The following FAM13A variants were observed in gnomAD, a reference collection of about 807,000 sequenced individuals.
The protein encoded by FAM13A is family with sequence similarity 13 member A.
A neutral mutation model predicts 129.6 loss-of-function variants in FAM13A; 76 were observed. That is an observed-to-expected ratio of 0.59 (90% CI 0.49 to 0.71). The LOEUF (loss-of-function observed/expected upper bound fraction) is 0.71. FAM13A is among the 30% of genes least tolerant of loss of function. The probability of loss-of-function intolerance (pLI) is 0.00; values close to 1 mark genes in which losing one functional copy is unlikely to be tolerated. For synonymous variants in FAM13A, 443 were observed against 449.9 expected, an observed-to-expected ratio of 0.98 and a Z score of 0.20; for missense variants, 1,108 against 1,249.3, an observed-to-expected ratio of 0.89 and a Z score of 1.70.
At chr4:88,826,452 G>A (rs1733009058) in intron 7 of FAM13A, among the ~76,000 whole-genome samples, 1 of 152,032 alleles carries the variant, frequency 6.6e-6, no homozygotes, top group South Asian at 2.1e-4. Context: ...GCTAACGATT[G>A]CAAAAGAAAA....
intron 4 of FAM13A, among the ~76,000 whole-genome samples, chr4:88,949,797 T>C (rs953263796): frequency 1.3e-5 from 2 of 152,204 alleles, no homozygotes; most frequent in Non-Finnish European, 2.9e-5. Flanking sequence ...ATTTATATTA[T>C]GTATGTCAGC....
At chr4:88,731,052 T>A (rs990932612) in intron 23 of FAM13A, among the ~76,000 whole-genome samples, 1 of 152,198 alleles carries the variant, frequency 6.6e-6, no homozygotes, top group Admixed American at 6.5e-5. Context: ...GATAAGAATT[T>A]GATGGGACAG....
intron 1 of FAM13A, among the ~76,000 whole-genome samples, chr4:89,039,173 G>T (rs1486453536): frequency 6.6e-6 from 1 of 152,118 alleles, no homozygotes; most frequent in African/African-American, 2.4e-5. Flanking sequence ...GTGAAAAAAA[G>T]AAACAAATCC....
intron 6 of FAM13A, among the ~76,000 whole-genome samples, chr4:88,874,954 T>G (rs558677518): frequency 1.3e-5 from 2 of 152,048 alleles, no homozygotes; most frequent in Admixed American, 6.6e-5. Context: ...TATAGATCAA[T>G]GGAACAGAAC....
intron 19 of FAM13A, among the ~76,000 whole-genome samples, chr4:88,744,603 T>C (rs1295994882): frequency 1.3e-5 from 2 of 152,190 alleles, no homozygotes; most frequent in Non-Finnish European, 1.5e-5. Flanking sequence ...TTCTAAACAA[T>C]TGGGGTTTGG....
At chr4:88,932,314 T>C (rs1201887249) in intron 5 of FAM13A, among the ~76,000 whole-genome samples, 4 of 152,206 alleles carry the variant, frequency 2.6e-5, no homozygotes, top group African/African-American at 9.6e-5. Context: ...CAATTACTTG[T>C]GAGGTTACTG....
At chr4:89,030,134 C>A (rs1768495831) in intron 1 of FAM13A, among the ~76,000 whole-genome samples, 2 of 151,970 alleles carry the variant, frequency 1.3e-5, no homozygotes, top group Admixed American at 6.6e-5. Context: ...CATTATAGTT[C>A]TCTGATTTGA....
At chr4:88,817,030 CATA>C (rs1168515333) in intron 7 of FAM13A, among the ~76,000 whole-genome samples, 3 of 152,094 alleles carry the variant, frequency 2.0e-5, no homozygotes, top group African/African-American at 7.2e-5. Flanking sequence ...ATCCATATAT[CATA>C]ATATTATTCA....
At chr4:88,850,292 T>C (rs1737339438) in intron 7 of FAM13A, among the ~76,000 whole-genome samples, 1 of 151,924 alleles carries the variant, frequency 6.6e-6, no homozygotes, top group Non-Finnish European at 1.5e-5. Context: ...TGGTGGCTCA[T>C]GCCTGTAATC....
intron 7 of FAM13A, among the ~76,000 whole-genome samples, chr4:88,806,486 C>A (rs1187284799): frequency 6.6e-6 from 1 of 152,166 alleles, no homozygotes. Context: ...CTGTAAAACA[C>A]ACACAAGCAA....
chr4:88,862,079 C>A (rs1301135824), intron 6 of FAM13A, among the ~76,000 whole-genome samples: 1 of 152,088 alleles, frequency 6.6e-6, no homozygotes, highest in African/African-American at 2.4e-5. Flanking sequence ...ACTAAGGATA[C>A]AAGAGAGACT....
chr4:88,739,174 A>T, intron 19 of FAM13A, 49 bp from the exon 20 acceptor site: 7 of 1,280,316 alleles, frequency 5.5e-6, no homozygotes, highest in Non-Finnish European at 8.0e-6. Context: ...TGGGAGTCAC[A>T]ACCAGCTGTC....
At chr4:88,881,293 C>T (rs2150126496) in intron 6 of FAM13A, among the ~76,000 whole-genome samples, 1 of 152,312 alleles carries the variant, frequency 6.6e-6, no homozygotes. Flanking sequence ...AAACAGTTCA[C>T]ATCACAGGAC....
chr4:88,967,075 G>A (rs959042023), intron 4 of FAM13A, among the ~76,000 whole-genome samples: 3 of 152,174 alleles, frequency 2.0e-5, no homozygotes, highest in Non-Finnish European at 2.9e-5. Flanking sequence ...ATTTATAAAT[G>A]TGAAATAATA....
chr4:88,878,162 T>C (rs566709006), intron 6 of FAM13A, among the ~76,000 whole-genome samples: 39 of 151,426 alleles, frequency 2.6e-4, no homozygotes, highest in Middle Eastern at 3.4e-3. Context: ...TGGTGGCGGG[T>C]GCCTGTAGTC....
intron 8 of FAM13A, among the ~76,000 whole-genome samples, chr4:88,802,342 T>C (rs1032014957): frequency 1.3e-5 from 2 of 152,194 alleles, no homozygotes; most frequent in Non-Finnish European, 1.5e-5. Context: ...ACTTGCTACA[T>C]GGAATGGTGG....
chr4:88,766,722 T>C (rs866499029), intron 13 of FAM13A, among the ~76,000 whole-genome samples: 1 of 152,240 alleles, frequency 6.6e-6, no homozygotes. Flanking sequence ...ATTTAATATA[T>C]GTTGTTGAAT....
chr4:88,991,915 A>C (rs1762965849), intron 3 of FAM13A, among the ~76,000 whole-genome samples: 1 of 152,080 alleles, frequency 6.6e-6, no homozygotes, highest in Non-Finnish European at 1.5e-5. Context: ...CACCCTTCCT[A>C]TCTGATAACC....
intron 11 of FAM13A, 200 bp from the exon 12 acceptor site, chr4:88,768,259 C>T: frequency 2.4e-6 from 1 of 423,102 alleles, no homozygotes. Flanking sequence ...TATTGAACTT[C>T]TAACATCCTT....
Sources: allele counts gnomAD v4.1 joint callset (sites outside exome capture counted in the v4.1 genomes callset), GRCh38; gene constraint gnomAD v4.1.1; transcripts MANE v1.5; gene names NCBI Gene and HGNC (gene_info 2026-07-23, HGNC 2026-07-21).